KCNB2: variants seen among roughly 807,000 people sequenced by gnomAD.
KCNB2 encodes delayed rectifier potassium channel protein.
Under a neutral mutation model 61.5 loss-of-function variants are expected in KCNB2, and 15 were observed. The observed-to-expected ratio is 0.24, with a 90% CI of 0.16 to 0.38. The LOEUF is 0.38. Ranked by LOEUF, KCNB2 falls within the 10% of genes least tolerant of loss-of-function variation. KCNB2 has a pLI of 1.00. For synonymous variants in KCNB2, 457 were observed against 446.0 expected, an observed-to-expected ratio of 1.02 and a Z score of -0.31; for missense variants, 828 against 1,125.2, an observed-to-expected ratio of 0.74 and a Z score of 3.78.
At chr8:72,682,861 C>T (rs1806784468) in intron 2 of KCNB2, among the ~76,000 whole-genome samples, 1 of 152,198 alleles carries the variant, frequency 6.6e-6, no homozygotes, top group Admixed American at 6.5e-5. Context: ...CCCACCTTGG[C>T]CTCCCAAAGT....
At chr8:72,600,668 T>G (rs1807284002) in intron 2 of KCNB2, among the ~76,000 whole-genome samples, 1 of 151,668 alleles carries the variant, frequency 6.6e-6, no homozygotes. Context: ...TAAAAAAGGA[T>G]GAGATCATGT....
intron 2 of KCNB2, among the ~76,000 whole-genome samples, chr8:72,889,970 C>T (rs1307112324): frequency 2.0e-5 from 3 of 152,110 alleles, no homozygotes; most frequent in Admixed American, 6.6e-5. Flanking sequence ...TGGTCTTGAA[C>T]TCCTGACCTC....
At chr8:72,539,727 T>A (rs1806163692) in intron 1 of KCNB2, among the ~76,000 whole-genome samples, 1 of 152,204 alleles carries the variant, frequency 6.6e-6, no homozygotes, top group Admixed American at 6.5e-5. Flanking sequence ...ATAGAATCAA[T>A]CCATGCATCC....
intron 1 of KCNB2, among the ~76,000 whole-genome samples, chr8:72,542,204 T>C (rs189604667): frequency 3.3e-5 from 5 of 152,258 alleles, no homozygotes; most frequent in Admixed American, 3.3e-4. Context: ...CAGATTAAAT[T>C]TGAAAGCTAA....
chr8:72,586,325 G>C (rs1807000365), intron 2 of KCNB2, among the ~76,000 whole-genome samples: 1 of 152,174 alleles, frequency 6.6e-6, no homozygotes, highest in Admixed American at 6.5e-5. Flanking sequence ...AGAGTTCCAG[G>C]TGGTAGTTAA....
intron 2 of KCNB2, among the ~76,000 whole-genome samples, chr8:72,746,989 G>A (rs1287625772): frequency 6.6e-6 from 1 of 152,126 alleles, no homozygotes. Context: ...AATGGGTTTA[G>A]TGGGGTGTTT....
chr8:72,541,861 G>C (rs1806192420), intron 1 of KCNB2, among the ~76,000 whole-genome samples: 1 of 151,932 alleles, frequency 6.6e-6, no homozygotes, highest in Admixed American at 6.6e-5. Context: ...GAATTATTTT[G>C]AACATAGTAT....
chr8:72,558,052 G>A, intron 1 of KCNB2, among the ~76,000 whole-genome samples: 1 of 152,070 alleles, frequency 6.6e-6, no homozygotes, highest in East Asian at 1.9e-4. Flanking sequence ...CATTTTTTGG[G>A]GGTAGTCCAC....
At chr8:72,764,237 C>A (rs1431513022) in intron 2 of KCNB2, among the ~76,000 whole-genome samples, 1 of 152,142 alleles carries the variant, frequency 6.6e-6, no homozygotes, top group East Asian at 1.9e-4. Flanking sequence ...GGATGATAGG[C>A]AACCAGCACC....
At chr8:72,637,148 G>T (rs931602444) in intron 2 of KCNB2, among the ~76,000 whole-genome samples, 1 of 152,094 alleles carries the variant, frequency 6.6e-6, no homozygotes, top group East Asian at 1.9e-4. Context: ...ACAGTCTTAC[G>T]CCTCTGACTC....
chr8:72,896,026 C>A (rs1193793832), intron 2 of KCNB2, among the ~76,000 whole-genome samples: 1 of 151,896 alleles, frequency 6.6e-6, no homozygotes, highest in Non-Finnish European at 1.5e-5. Flanking sequence ...TTATTTTTTT[C>A]AAGTTTCCAA....
rs555498727 is a variant in KCNB2 at position 72,903,094 on chromosome 8, C to T, written c.580-32841C>T. ...AAAGTAAACATTCTAGTTGTATTCA[C>T]CCATCTAGTCTGAAGTTCTTTTTGT... is the stretch of plus-strand genomic sequence containing the variant. On this transcript the variant is annotated intron_variant, in intron 2 of 2. Transcript: ENST00000523207. Among the ~76,000 whole-genome samples the T allele has an allele frequency of 2.0e-5, 3 of 152,244 alleles. No individual in the cohort carries two copies. The South Asian group carries it at 6.2e-4, about 32-fold the overall frequency.
intron 2 of KCNB2, among the ~76,000 whole-genome samples, chr8:72,712,575 C>T (rs1030289876): frequency 9.2e-5 from 14 of 152,194 alleles, no homozygotes; most frequent in Non-Finnish European, 1.8e-4. Flanking sequence ...CCAAGCTTTA[C>T]ATGTGTTATA....
chr8:72,769,835 A>G (rs1283060464), intron 2 of KCNB2, among the ~76,000 whole-genome samples: 1 of 152,188 alleles, frequency 6.6e-6, no homozygotes, highest in Admixed American at 6.5e-5. Context: ...TCCCAGATCT[A>G]GCATCACTGA....
At chr8:72,614,284 G>T (rs951137448) in intron 2 of KCNB2, among the ~76,000 whole-genome samples, 3 of 152,136 alleles carry the variant, frequency 2.0e-5, no homozygotes, top group Non-Finnish European at 4.4e-5. Context: ...GATACAGAAA[G>T]ATATCTATGA....
intron 2 of KCNB2, among the ~76,000 whole-genome samples, chr8:72,723,412 T>A (rs1807583574): frequency 6.6e-6 from 1 of 152,198 alleles, no homozygotes. Context: ...GAATTGACCA[T>A]CCTTATTTCT....
intron 1 of KCNB2, among the ~76,000 whole-genome samples, chr8:72,561,721 A>ACG (rs1159367004): frequency 4.2e-5 from 1 of 23,630 alleles, no homozygotes; most frequent in East Asian, 2.6e-3. Context: ...ATATATATAT[A>ACG]TATATATCTA....
intron 2 of KCNB2, among the ~76,000 whole-genome samples, chr8:72,648,325 A>C (rs1806162885): frequency 6.6e-6 from 1 of 152,172 alleles, no homozygotes; most frequent in South Asian, 2.1e-4. Context: ...TGCTTTGTCT[A>C]TGGTTGACTG....
intron 2 of KCNB2, among the ~76,000 whole-genome samples, chr8:72,828,659 C>G (rs146874405): frequency 6.6e-6 from 1 of 152,130 alleles, no homozygotes; most frequent in Non-Finnish European, 1.5e-5. Flanking sequence ...AAAATATATT[C>G]TATTCTATAG....
Sources: allele counts gnomAD v4.1 joint callset (sites outside exome capture counted in the v4.1 genomes callset), GRCh38; gene constraint gnomAD v4.1.1; transcripts MANE v1.5; gene names NCBI Gene and HGNC (gene_info 2026-07-23, HGNC 2026-07-21).